The following PNPLA4 variants were observed in gnomAD, a reference collection of about 807,000 sequenced individuals.
PNPLA4 encodes the protein patatin like domain 4, phospholipase and triacylglycerol lipase.
Under a neutral mutation model 18.3 loss-of-function variants are expected in PNPLA4, and 15 were observed. The ratio of observed to expected loss-of-function variants is 0.82; its 90% CI spans 0.55 to 1.26. The LOEUF is 1.26. Among genes scored for constraint, PNPLA4 ranks in the 50% most tolerant of loss-of-function variants. The pLI, the probability that PNPLA4 is intolerant of heterozygous loss-of-function variation, is 0.00. For missense variants in PNPLA4, 229 were observed against 196.8 expected, an observed-to-expected ratio of 1.16 and a Z score of -0.98; for synonymous variants, 88 against 85.6, an observed-to-expected ratio of 1.03 and a Z score of -0.16.
intron 5 of PNPLA4, among the ~76,000 whole-genome samples, chrX:7,903,669 C>T (rs1923617916): frequency 9.0e-6 from 1 of 111,107 alleles, no homozygotes. Flanking sequence ...TCTGGACAGC[C>T]ACAAACTCCT....
At chrX:7,923,938 C>A (rs1364718931) in intron 2 of PNPLA4, among the ~76,000 whole-genome samples, 2 of 111,484 alleles carry the variant, frequency 1.8e-5, no homozygotes, top group African/African-American at 6.5e-5. Flanking sequence ...TTGATATAGG[C>A]TGTGGGAAGC....
chrX:7,905,957 A>C (rs1402280941), intron 5 of PNPLA4, among the ~76,000 whole-genome samples: 1 of 112,435 alleles, frequency 8.9e-6, no homozygotes, highest in Non-Finnish European at 1.9e-5. Flanking sequence ...AGAGAATAAA[A>C]CATCTATTGC....
chrX:7,921,623 C>A, intron 4 of PNPLA4, 90 bp downstream of exon 4: 1 of 801,142 alleles, frequency 1.2e-6, no homozygotes, highest in Admixed American at 2.4e-5. Context: ...GACACAGGAT[C>A]TAAAGAACGT....
chrX:7,916,881 A>G (rs1046566920), intron 4 of PNPLA4, among the ~76,000 whole-genome samples: 4 of 112,075 alleles, frequency 3.6e-5, no homozygotes, highest in African/African-American at 1.3e-4. Flanking sequence ...GGTTAACTCT[A>G]TAAAGGGGTC....
chrX:7,903,521 A>C (rs1299164820), intron 5 of PNPLA4, among the ~76,000 whole-genome samples: 4 of 110,438 alleles, frequency 3.6e-5, no homozygotes, highest in African/African-American at 9.9e-5. Context: ...GGATGGTCTC[A>C]ATCTCCTGAC....
At chrX:7,920,790 C>T (rs1213027031) in intron 4 of PNPLA4, among the ~76,000 whole-genome samples, 1 of 112,367 alleles carries the variant, frequency 8.9e-6, no homozygotes, top group African/African-American at 3.2e-5. Context: ...GAATTCTCAA[C>T]CAACCAACTT....
rs1923473155 is a variant in PNPLA4 at position 7,899,871 on chromosome X, T to C, written c.*815A>G. ...GCTGTGTCCCCACCCAAATCTCATC[T>C]TGAAGTGTATGTAGCTCCCACAATT... On this transcript the variant is annotated 3_prime_UTR_variant, in exon 7 of 7. Transcript: ENST00000381042. 9.0e-6 allele frequency: 1 copy of C among 111,627 alleles called. No individual in the cohort carries two copies. Among genetic ancestry groups the C allele is most frequent in the Admixed American group, 9.5e-5 (1 of 10,539 alleles). The allele number at this position is 111,627 out of a possible 1,213,427, so 9.2% of individuals were successfully genotyped here. A position where few individuals can be genotyped will look rare whatever the true frequency, so the allele number is the denominator to read the frequency against.
At chrX:7,911,283 C>T (rs139083544) in intron 5 of PNPLA4, among the ~76,000 whole-genome samples, 10 of 111,954 alleles carry the variant, frequency 8.9e-5, no homozygotes, top group South Asian at 3.7e-4. Context: ...TTATAAAATA[C>T]GTATCTGTGA....
chrX:7,915,180 A>G (rs1412232203), intron 4 of PNPLA4, among the ~76,000 whole-genome samples: 1 of 110,457 alleles, frequency 9.1e-6, no homozygotes, highest in Non-Finnish European at 1.9e-5. Flanking sequence ...CTCACCTCAC[A>G]ATATTCCCAG....
chrX:7,921,153 C>T (rs1924201987), intron 4 of PNPLA4, among the ~76,000 whole-genome samples: 2 of 111,271 alleles, frequency 1.8e-5, no homozygotes, highest in Non-Finnish European at 3.8e-5. Flanking sequence ...GCCTGTAATC[C>T]TAGCTACTCA....
chrX:7,916,079 A>T (rs1349313774), intron 4 of PNPLA4, among the ~76,000 whole-genome samples: 1 of 111,722 alleles, frequency 9.0e-6, no homozygotes, highest in African/African-American at 3.3e-5. Flanking sequence ...ACCCTTTCGG[A>T]AAACACTTGT....
intron 4 of PNPLA4, 149 bp downstream of exon 4, chrX:7,921,564 C>T (rs1265580290): frequency 1.9e-6 from 1 of 528,957 alleles, no homozygotes; most frequent in African/African-American, 2.4e-5. Context: ...ATACTTTCAT[C>T]AAACAAGTAA....
intron 2 of PNPLA4, 148 bp from the exon 3 acceptor site, chrX:7,922,246 C>T: frequency 2.1e-6 from 1 of 477,428 alleles, no homozygotes. Context: ...GCCGGGGCCT[C>T]ACCCACCACT....
Position 7,926,090 on chromosome X carries a change from C to G in PNPLA4, c.30G>C (p.Ala10=). 8.3e-7 allele frequency: 1 copy of G among 1,210,580 alleles called. No individual in the cohort carries two copies. Among genetic ancestry groups the G allele is most frequent in the Non-Finnish European group, 1.1e-6 (1 of 894,697 alleles). The change falls in exon 2 of 7, where the codon GCG becomes GCC. Residue 10 remains alanine, a synonymous_variant. Coordinates refer to ENST00000381042, the MANE Select transcript of PNPLA4 (RefSeq NM_004650.3). MKHINLSFA[A]CGFLGIYHLG... is the part of the protein sequence containing the mutation. ...AGTGGTAAATGCCCAGAAATCCACA[C>G]GCTGCAAATGATAGGTTGATGTGCT...
chrX:7,915,424 C>T (rs1265347385), intron 4 of PNPLA4, among the ~76,000 whole-genome samples: 1 of 110,786 alleles, frequency 9.0e-6, no homozygotes, highest in Non-Finnish European at 1.9e-5. Context: ...ATAATCTGGG[C>T]CCTTACTGCC....
chrX:7,919,653 G>A (rs1325700873), intron 4 of PNPLA4, among the ~76,000 whole-genome samples: 1 of 112,293 alleles, frequency 8.9e-6, no homozygotes, highest in African/African-American at 3.2e-5. Context: ...CCTTTTGCCA[G>A]GTAAGGTTAT....
intron 4 of PNPLA4, among the ~76,000 whole-genome samples, chrX:7,916,463 G>A (rs775884061): frequency 7.6e-4 from 85 of 111,536 alleles, no homozygotes; most frequent in Non-Finnish European, 1.3e-3. Flanking sequence ...AGTATGAAGG[G>A]ATGGATGTCT....
chrX:7,903,216 A>G (rs1200025745), intron 5 of PNPLA4, among the ~76,000 whole-genome samples: 5 of 111,318 alleles, frequency 4.5e-5, no homozygotes, highest in African/African-American at 1.3e-4. Context: ...AATGTTCTCA[A>G]CTCACTTAAA....
intron 5 of PNPLA4, among the ~76,000 whole-genome samples, chrX:7,905,126 A>AAAAAC (rs1405426148): frequency 4.5e-5 from 5 of 112,332 alleles, no homozygotes; most frequent in African/African-American, 1.6e-4. Context: ...TAGAAAAACC[A>AAAAAC]AAAACAAAAC....
Sources: gnomAD v4.1 joint callset for allele counts (sites outside exome capture counted in the v4.1 genomes callset) on GRCh38, gnomAD v4.1.1 for gene constraint, MANE v1.5 for transcripts, NCBI Gene and HGNC (gene_info 2026-07-23, HGNC 2026-07-21) for gene names.